Variants in HSD11B2 observed in about 807,000 individuals in gnomAD.
HSD11B2 encodes the protein 11-beta-hydroxysteroid dehydrogenase type 2.
HSD11B2 carries 17 observed loss-of-function variants against 20.9 expected under a neutral mutation model. The ratio of observed to expected loss-of-function variants is 0.81; its 90% confidence interval spans 0.56 to 1.22. The LOEUF is 1.22. Ranked by LOEUF, HSD11B2 falls within the 50% of genes most tolerant of loss-of-function variation. HSD11B2 has a pLI of 0.00. For missense variants in HSD11B2, 480 were observed against 563.6 expected, an observed-to-expected ratio of 0.85 and a Z score of 1.50; for synonymous variants, 253 against 255.4, an observed-to-expected ratio of 0.99 and a Z score of 0.09.
At chr16:67,431,551 TC>T in intron 1 of HSD11B2, 38 bp downstream of exon 1, 1 of 1,326,028 alleles carries the variant, frequency 7.5e-7, no homozygotes, top group Non-Finnish European at 9.6e-7. Flanking sequence ...GACTCCAGGC[TC>T]GAGGGCGGGA....
Position 67,436,710 on chromosome 16 carries a change from C to T in HSD11B2, c.925C>T (p.His309Tyr), listed in dbSNP as rs967686523. 1.2e-6 allele frequency: 2 copies of T among 1,614,158 alleles called. No individual in the cohort carries two copies. The highest frequency in any genetic ancestry group is 1.7e-5 in the Admixed American group (1 of 60,034). Residue 309 changes from histidine (H) to tyrosine (Y), a missense_variant, in exon 5 of 5, where the codon CAC becomes TAC. His to Tyr is a moderately conservative substitution (Grantham distance 83, BLOSUM62 2). This residue lies in a region of HSD11B2 where 374 missense variants were observed against 480.9 expected (regional missense o/e 0.78). Coordinates refer to ENST00000326152, the MANE Select transcript of HSD11B2 (RefSeq NM_000196.4). This position sits in a 1 kb window ranked among gnomAD's most constrained non-coding sequence, Gnocchi z 5.7. The stretch of plus-strand genomic sequence containing the variant: ...CGAGCACTTGCATGGGCAGTTCCTG[C>T]ACTCGCTACGCCTGGCCATGTCCGA... ...YIEHLHGQFL[H>Y]SLRLAMSDLT...
chr16:67,436,976 C>T lies in HSD11B2; in HGVS notation c.1191C>T (p.Pro397=), dbSNP rs753887682. Reference sequence around the variant, plus strand: ...CAGCCCAGGACCCAAACCTGAGCCCCGGCCCTTCCCCAGCAGTGGCTCGGT... The same window carrying T: ...CAGCCCAGGACCCAAACCTGAGCCCTGGCCCTTCCCCAGCAGTGGCTCGGT... ...QDAAQDPNLS[P]GPSPAVAR Residue 397 remains proline, a synonymous_variant, in exon 5 of 5, where the codon CCC becomes CCT. Transcript: ENST00000326152. The surrounding 1 kb of genome is among the most constrained non-coding windows in gnomAD (Gnocchi z 5.7). 18 of 1,610,180 alleles carry T rather than the reference C, an allele frequency of 1.1e-5. No individual in the cohort carries two copies. The highest frequency in any genetic ancestry group is 5.0e-5 in the Admixed American group (3 of 60,002).
intron 1 of HSD11B2, among the ~76,000 whole-genome samples, chr16:67,432,404 G>A (rs2040940741): frequency 6.6e-6 from 1 of 152,196 alleles, no homozygotes; most frequent in East Asian, 1.9e-4. Context: ...TTGTCCTTGC[G>A]CTGGGCCTTT....
chr16:67,436,753 A>T lies in HSD11B2; in HGVS notation c.968A>T (p.Asp323Val), dbSNP rs140101035. ...LAMSDLTPVV[D>V]AITDALLAAR... ...ATGTCCGACCTCACCCCAGTTGTAG[A>T]TGCCATCACAGATGCGCTGCTGGCA... Residue 323 changes from aspartate to valine, a missense_variant, in exon 5 of 5, where the codon GAT (aspartate) becomes GTT (valine). Asp to Val is a radical substitution (Grantham distance 152). Transcript: ENST00000326152. This position sits in a 1 kb window ranked among gnomAD's most constrained non-coding sequence, Gnocchi z 5.7. 99 of 1,613,916 alleles carry T rather than the reference A, an allele frequency of 6.1e-5. No homozygotes were observed. Among genetic ancestry groups the T allele is most frequent in the African/African-American group, 8.0e-5 (6 of 74,930 alleles).
rs773074683 is a variant in HSD11B2 at position 67,435,613 on chromosome 16, C to CCCTGG, written c.266-7_266-3dup. The CCCTGG allele has an allele frequency of 1.9e-5, 31 of 1,605,776 alleles. No homozygotes were observed. The African/African-American group carries it at 3.7e-4, about 19-fold the overall frequency. On this transcript the variant is annotated splice_polypyrimidine_tract_variant and intron_variant, in intron 1 of 4. Transcript: ENST00000326152. ...GGCCACAGTGGAAGTTCACTGACTG[C>CCCTGG]CCTGGCCTGGCCAGGCTGTGACTCT...
upstream of HSD11B2, chr16:67,430,904 C>G (rs1367129839): frequency 6.5e-6 from 1 of 153,596 alleles, no homozygotes; most frequent in African/African-American, 2.4e-5. The surrounding 1 kb of genome is among the most constrained non-coding windows in gnomAD (Gnocchi z 5.4). Flanking sequence ...AAGCACCGCC[C>G]GCAGCCAGGC....
intron 1 of HSD11B2, among the ~76,000 whole-genome samples, chr16:67,432,392 C>G (rs2040940671): frequency 6.6e-6 from 1 of 152,154 alleles, no homozygotes. Flanking sequence ...GTGCTCCAGG[C>G]TTTGTCCTTG....
In HSD11B2 at chr16:67,436,184, G is replaced by T. The variant is rs550864694; in HGVS notation, c.664+42G>T. ...ACTGGAGCAAAAAGGAGCCCCCTGGGGTGGGGGAGGGCTTAGGGAGCCCCT... is the reference window on the plus strand; with the variant it reads ...ACTGGAGCAAAAAGGAGCCCCCTGGTGTGGGGGAGGGCTTAGGGAGCCCCT... On this transcript the variant is annotated intron_variant, in intron 3 of 4. Coordinates refer to ENST00000326152, the MANE Select transcript of HSD11B2 (RefSeq NM_000196.4). The surrounding 1 kb of genome is among the most constrained non-coding windows in gnomAD (Gnocchi z 5.7). 4.3e-6 allele frequency: 7 copies of T among 1,613,800 alleles called. No homozygotes were observed. The South Asian group carries it at 7.7e-5, about 18-fold the overall frequency.
intron 1 of HSD11B2, among the ~76,000 whole-genome samples, chr16:67,435,159 T>C (rs1297895232): frequency 2.9e-5 from 4 of 138,684 alleles, no homozygotes; most frequent in African/African-American, 1.1e-4. Flanking sequence ...GCCAAGATCA[T>C]GCCACTGCAC....
chr16:67,431,191 C>G lies in HSD11B2; in HGVS notation c.-58C>G. 9.8e-7 allele frequency: 1 copy of G among 1,024,878 alleles called. No individual in the cohort carries two copies. Among genetic ancestry groups the G allele is most frequent in the African/African-American group, 1.7e-5 (1 of 58,296 alleles). 63.5% of individuals were successfully genotyped at this position (1,024,878 alleles called of 1,614,324 possible). A position where few individuals can be genotyped will look rare whatever the true frequency, so the allele number is the denominator to read the frequency against. Reference sequence around the variant, plus strand: ...CTCCGCGCCCCGGCCTAGAAGCTCTCTCTCCCCGCTCCCCGGCCCGGCCCC... The same window carrying G: ...CTCCGCGCCCCGGCCTAGAAGCTCTGTCTCCCCGCTCCCCGGCCCGGCCCC... On this transcript the variant is annotated 5_prime_UTR_variant, in exon 1 of 5. Transcript: ENST00000326152.
intron 1 of HSD11B2, among the ~76,000 whole-genome samples, chr16:67,434,571 G>C (rs1341137673): frequency 6.6e-6 from 1 of 152,188 alleles, no homozygotes; most frequent in African/African-American, 2.4e-5. Flanking sequence ...ATTAAGGAAG[G>C]AGAGGCCTGG....
At chr16:67,434,000 G>C (rs1223728321) in intron 1 of HSD11B2, among the ~76,000 whole-genome samples, 2 of 152,128 alleles carry the variant, frequency 1.3e-5, no homozygotes, top group Non-Finnish European at 2.9e-5. Context: ...TTCCCTCACT[G>C]GCTGCCCATG....
In HSD11B2 at chr16:67,435,990, A is replaced by G. The variant is rs138853656; in HGVS notation, c.512A>G (p.Asn171Ser). ...GGCCTCGTCAACAACGCAGGCCACA[A>G]TGAAGTAGTTGCTGATGCGGAGCTG... ...LWGLVNNAGH[N>S]EVVADAELSP... Residue 171 changes from asparagine (N) to serine (S), a missense_variant, in exon 3 of 5, where the codon AAT becomes AGT. Around this residue, in one of 2 missense-constraint regions of HSD11B2, gnomAD observed 374 missense variants for 480.9 expected, o/e 0.78. Transcript: ENST00000326152. 2.8e-4 allele frequency: 455 copies of G among 1,614,076 alleles called. No individual in the cohort carries two copies. Among genetic ancestry groups the G allele is most frequent in the Non-Finnish European group, 3.7e-4 (436 of 1,180,032 alleles).
At position 67,435,935 on chromosome 16, in the gene HSD11B2, C is replaced by T. The variant is rs374516226; in HGVS notation, c.479-22C>T. 30 of 1,614,130 alleles carry T rather than the reference C, an allele frequency of 1.9e-5. No individual in the cohort carries two copies. In the African/African-American group the frequency reaches 3.6e-4, roughly 19 times the overall value. On this transcript the variant is annotated intron_variant, in intron 2 of 4. Transcript: ENST00000326152. ...GCTGCTGGGCTGACCTAAGGCTTCC[C>T]TCCTCTGCTCTGTGACCCCAGGCCT...
chr16:67,435,202 C>CA (rs61663548), intron 1 of HSD11B2, among the ~76,000 whole-genome samples: 13,836 of 62,644 alleles, frequency 0.22, 1,836 homozygotes, highest in African/African-American at 0.44. Context: ...GACCCTGTCT[C>CA]AAAAAAAAAA....
At chr16:67,431,842 G>T (rs72649094) in intron 1 of HSD11B2, among the ~76,000 whole-genome samples, 7 of 152,192 alleles carry the variant, frequency 4.6e-5, no homozygotes, top group Non-Finnish European at 8.8e-5. Context: ...CAAGAGAGCA[G>T]TCTCAGGGGA....
In HSD11B2 at chr16:67,437,228, C is replaced by A; in HGVS notation, c.*225C>A. On this transcript the variant is annotated 3_prime_UTR_variant, in exon 5 of 5. Coordinates refer to ENST00000326152, the MANE Select transcript of HSD11B2 (RefSeq NM_000196.4). ...CTCCACTGTTTCATGAGCCCAAACA[C>A]CCTCCTGGCACAACGCTCTACCCTG... is the stretch of plus-strand genomic sequence containing the variant. 1.7e-6 allele frequency: 1 copy of A among 600,012 alleles called. No homozygotes were observed. Among genetic ancestry groups the A allele is most frequent in the East Asian group, 2.8e-5 (1 of 36,130 alleles). 37.2% of individuals were successfully genotyped at this position (600,012 alleles called of 1,614,324 possible). A position where few individuals can be genotyped will look rare whatever the true frequency, so the allele number is the denominator to read the frequency against.
chr16:67,436,172 G>A lies in HSD11B2; in HGVS notation c.664+30G>A, dbSNP rs1423079528. On this transcript the variant is annotated intron_variant, in intron 3 of 4. Coordinates refer to ENST00000326152, the MANE Select transcript of HSD11B2 (RefSeq NM_000196.4). This position sits in a 1 kb window ranked among gnomAD's most constrained non-coding sequence, Gnocchi z 5.7. ...GTGCCCCCCCCCACTGGAGCAAAAA[G>A]GAGCCCCCTGGGGTGGGGGAGGGCT... is the stretch of plus-strand genomic sequence containing the variant. The A allele has an allele frequency of 6.2e-7, 1 of 1,613,698 alleles. No individual in the cohort carries two copies. The highest frequency in any genetic ancestry group is 8.5e-7 in the Non-Finnish European group (1 of 1,179,862).
chr16:67,435,628 G>A lies in HSD11B2; in HGVS notation c.266G>A (p.Gly89Asp), dbSNP rs1555518481. The part of the protein sequence containing the change: ...PVATRAVLIT[G>D]CDSGFGKETA... ...TCACTGACTGCCCTGGCCTGGCCAG[G>A]CTGTGACTCTGGTTTTGGCAAGGAG... Residue 89 changes from glycine (G) to aspartate (D), a missense_variant and splice_region_variant, in exon 2 of 5, where the codon GGC becomes GAC. Physicochemically the swap from Gly to Asp is moderately conservative, Grantham distance 94. Transcript: ENST00000326152. 4 of 1,612,912 alleles carry A rather than the reference G, an allele frequency of 2.5e-6. No individual in the cohort carries two copies. In the Middle Eastern group the frequency reaches 6.6e-4, roughly 266 times the overall value.
Sources: allele counts gnomAD v4.1 joint callset (sites outside exome capture counted in the v4.1 genomes callset), GRCh38; gene constraint gnomAD v4.1.1; regional missense constraint gnomAD v4.1.1; non-coding constraint Gnocchi (gnomAD v3.1); transcripts MANE v1.5; gene names NCBI Gene and HGNC (gene_info 2026-07-23, HGNC 2026-07-21).